The following NEO1 variants were observed in gnomAD, a reference collection of about 807,000 sequenced individuals.
The protein encoded by NEO1 is neogenin 1.
NEO1 carries 63 observed loss-of-function variants against 159.7 expected under a neutral mutation model. The observed-to-expected ratio is 0.39, with a 90% CI of 0.32 to 0.49. The LOEUF (loss-of-function observed/expected upper bound fraction) is 0.49, where lower values mean the gene tolerates loss of function less well. NEO1 is among the 20% of genes least tolerant of loss of function. The pLI is 0.85. For missense variants in NEO1, 1,615 were observed against 1,831.0 expected, an observed-to-expected ratio of 0.88 and a Z score of 2.15; for synonymous variants, 633 against 662.0, an observed-to-expected ratio of 0.96 and a Z score of 0.67.
intron 1 of NEO1, among the ~76,000 whole-genome samples, chr15:73,101,177 A>G (rs1352992192): frequency 1.3e-5 from 2 of 152,222 alleles, no homozygotes; most frequent in African/African-American, 4.8e-5. Context: ...ATTAAATTCA[A>G]AATATTTTGT....
At chr15:73,174,670 A>G (rs2035179636) in intron 5 of NEO1, among the ~76,000 whole-genome samples, 1 of 152,210 alleles carries the variant, frequency 6.6e-6, no homozygotes, top group South Asian at 2.1e-4. Context: ...CACTACTGCA[A>G]AGAAGGACAG....
chr15:73,161,315 A>C (rs1228734003), intron 5 of NEO1, among the ~76,000 whole-genome samples: 1 of 152,152 alleles, frequency 6.6e-6, no homozygotes, highest in Non-Finnish European at 1.5e-5. Context: ...TATTCTTTCC[A>C]AGTGATTACA....
In NEO1 at chr15:73,129,596, A is replaced by C. The variant is rs1314722591; in HGVS notation, c.878+3026A>C. The stretch of plus-strand genomic sequence containing the variant: ...AAAGAGGGGGGTGGAAATGGATCCC[A>C]TTCACTAAGTAGTTTTATTTTAAAG... On this transcript the variant is annotated intron_variant, in intron 4 of 28. Coordinates refer to ENST00000261908, the MANE Select transcript of NEO1 (RefSeq NM_002499.4). Among the ~76,000 whole-genome samples the C allele has an allele frequency of 2.0e-5, 3 of 152,314 alleles. No individual in the cohort carries two copies. The East Asian group carries it at 5.8e-4, about 29-fold the overall frequency.
At chr15:73,175,317 T>G (rs1245495574) in intron 5 of NEO1, among the ~76,000 whole-genome samples, 1 of 152,156 alleles carries the variant, frequency 6.6e-6, no homozygotes, top group Non-Finnish European at 1.5e-5. Context: ...TTTAAAAAAT[T>G]TAAAGTACCA....
rs79482326 is a variant in NEO1 at position 73,283,726 on chromosome 15, C to T, written c.3410+615C>T. On this transcript the variant is annotated intron_variant, in intron 23 of 28. Transcript: ENST00000261908. ...GTAGAAAGTGTCTGGCATTGCTGGT[C>T]ACCCCCTTTGGAGCACCATCTGTAC... Among the ~76,000 whole-genome samples the T allele has an allele frequency of 2.0e-3, 297 of 152,298 alleles. 9 individuals are homozygous for T. The East Asian group carries it at 0.045, about 23-fold the overall frequency.
At chr15:73,257,466 A>C (rs906257755) in intron 13 of NEO1, among the ~76,000 whole-genome samples, 1 of 152,206 alleles carries the variant, frequency 6.6e-6, no homozygotes, top group Non-Finnish European at 1.5e-5. Context: ...TCTGGCACTG[A>C]GTATACAACG....
In NEO1 at chr15:73,260,391, A is replaced by G; in HGVS notation, c.2324A>G (p.Tyr775Cys). 1 of 1,614,054 alleles carries G rather than the reference A, an allele frequency of 6.2e-7. No individual in the cohort carries two copies. The highest frequency in any genetic ancestry group is 8.5e-7 in the Non-Finnish European group (1 of 1,179,956). ...GTGGTCAGAGGTTACGCCATTGGTT[A>G]TGGCATTGGCAGCCCTCATGCCCAG... ...NIVVRGYAIG[Y>C]GIGSPHAQTI... is the part of the protein sequence containing the mutation. Residue 775 changes from tyrosine (Y) to cysteine (C), a missense_variant, in exon 15 of 29, where the codon TAT becomes TGT. Tyr to Cys is a radical substitution (Grantham distance 194, BLOSUM62 -2). Coordinates refer to ENST00000261908, the MANE Select transcript of NEO1 (RefSeq NM_002499.4).
chr15:73,104,708 G>A (rs1029149781), intron 1 of NEO1, among the ~76,000 whole-genome samples: 3 of 152,172 alleles, frequency 2.0e-5, no homozygotes, highest in African/African-American at 4.8e-5. Flanking sequence ...AAGAAAAGAG[G>A]TGTAATTGAT....
chr15:73,099,947 G>A (rs148844540), intron 1 of NEO1, among the ~76,000 whole-genome samples: 1 of 152,080 alleles, frequency 6.6e-6, no homozygotes, highest in Non-Finnish European at 1.5e-5. Flanking sequence ...TACTTTTCTT[G>A]TTCACTATCA....
intron 7 of NEO1, among the ~76,000 whole-genome samples, chr15:73,207,779 A>C (rs2037320576): frequency 6.6e-6 from 1 of 152,062 alleles, no homozygotes; most frequent in African/African-American, 2.4e-5. Context: ...TATTCAGTTT[A>C]ACTTCTTTAA....
At chr15:73,242,632 A>G (rs1018790473) in intron 8 of NEO1, among the ~76,000 whole-genome samples, 8 of 152,154 alleles carry the variant, frequency 5.3e-5, no homozygotes, top group African/African-American at 1.4e-4. Context: ...ATCACACCAG[A>G]GCACTCCAGC....
intron 27 of NEO1, 44 bp from the exon 28 acceptor site, chr15:73,301,277 G>A (rs1424268613): frequency 9.3e-6 from 15 of 1,612,778 alleles, no homozygotes; most frequent in African/African-American, 1.3e-5. Context: ...AGGTCTAGGG[G>A]AGGCAGGCTT....
At chr15:73,138,237 G>A (rs1347899522) in intron 5 of NEO1, among the ~76,000 whole-genome samples, 3 of 152,174 alleles carry the variant, frequency 2.0e-5, no homozygotes, top group East Asian at 3.9e-4. Flanking sequence ...GTACCTAAGT[G>A]TTGATTTGAG....
chr15:73,252,486 A>G (rs2040127602), intron 11 of NEO1, among the ~76,000 whole-genome samples: 1 of 152,218 alleles, frequency 6.6e-6, no homozygotes, highest in African/African-American at 2.4e-5. Context: ...TCAGGAAACC[A>G]GATGGTTCAC....
intron 8 of NEO1, among the ~76,000 whole-genome samples, chr15:73,243,331 A>G (rs569944548): frequency 1.3e-5 from 2 of 152,340 alleles, no homozygotes; most frequent in East Asian, 3.9e-4. Flanking sequence ...TTAATCTGCA[A>G]TTTGAAGGCA....
intron 5 of NEO1, among the ~76,000 whole-genome samples, chr15:73,146,322 T>C (rs1244192058): frequency 6.6e-6 from 1 of 152,206 alleles, no homozygotes; most frequent in Non-Finnish European, 1.5e-5. Context: ...AACGGATTGC[T>C]TAAGAACATA....
intron 1 of NEO1, among the ~76,000 whole-genome samples, chr15:73,080,525 A>AT (rs56246242): frequency 0.32 from 47,088 of 148,132 alleles, 8,873 homozygotes; most frequent in Admixed American, 0.45. Context: ...ATTTTTTTCC[A>AT]TTTTTTTTTT....
intron 21 of NEO1, among the ~76,000 whole-genome samples, chr15:73,276,004 G>GTGAGTCT (rs1461217748): frequency 6.6e-6 from 1 of 152,226 alleles, no homozygotes; most frequent in Non-Finnish European, 1.5e-5. Context: ...TTTGCATTCA[G>GTGAGTCT]TGAGTCTTTT....
At chr15:73,258,915 A>G (rs914883560) in intron 14 of NEO1, 39 bp downstream of exon 14, 1 of 1,527,880 alleles carries the variant, frequency 6.5e-7, no homozygotes, top group Non-Finnish European at 9.1e-7. Context: ...CACAATAGAT[A>G]CTAGCTGTAG....
Sources: allele counts gnomAD v4.1 joint callset (sites outside exome capture counted in the v4.1 genomes callset), GRCh38; gene constraint gnomAD v4.1.1; transcripts MANE v1.5; gene names NCBI Gene and HGNC (gene_info 2026-07-23, HGNC 2026-07-21).